HECTD4: variants seen among roughly 807,000 people sequenced by gnomAD.
HECTD4 encodes probable E3 ubiquitin-protein ligase HECTD4.
In HECTD4, 114 loss-of-function variants were observed where a neutral mutation model predicts 471.5. That is an observed-to-expected ratio of 0.24 (90% confidence interval 0.21 to 0.28). HECTD4 has a LOEUF of 0.28. Among genes scored for constraint, HECTD4 ranks in the 10% least tolerant of loss-of-function variants. The pLI, the probability that HECTD4 is intolerant of heterozygous loss-of-function variation, is 1.00. For missense variants in HECTD4, 3,866 were observed against 5,651.5 expected, an observed-to-expected ratio of 0.68 and a Z score of 10.13; for synonymous variants, 2,012 against 2,256.0, an observed-to-expected ratio of 0.89 and a Z score of 3.07.
chr12:112,290,741 G>A (rs1227971028), intron 7 of HECTD4, among the ~76,000 whole-genome samples: 2 of 151,504 alleles, frequency 1.3e-5, no homozygotes, highest in East Asian at 2.0e-4. Context: ...CCAGCTACTC[G>A]GGAGGCTGAG....
chr12:112,301,981 G>A (rs1328134775), intron 7 of HECTD4: 12 of 871,228 alleles, frequency 1.4e-5, no homozygotes, highest in Middle Eastern at 3.3e-4. Flanking sequence ...AGATCTCATC[G>A]TATCTGTCAT....
At chr12:112,240,839 A>C (rs1235801924) in intron 32 of HECTD4, among the ~76,000 whole-genome samples, 1 of 152,234 alleles carries the variant, frequency 6.6e-6, no homozygotes, top group Admixed American at 6.5e-5. Flanking sequence ...TTAGCAGAAG[A>C]TGAAAGCCTA....
intron 9 of HECTD4, among the ~76,000 whole-genome samples, chr12:112,275,540 G>A (rs2034507788): frequency 6.6e-6 from 1 of 151,970 alleles, no homozygotes; most frequent in African/African-American, 2.4e-5. Context: ...CATTTCTAGA[G>A]TGGAAATAAT....
intron 60 of HECTD4, among the ~76,000 whole-genome samples, chr12:112,187,709 C>G (rs2031925189): frequency 6.9e-6 from 1 of 144,708 alleles, no homozygotes; most frequent in Non-Finnish European, 1.5e-5. Context: ...TCACTGTAAG[C>G]TCCGCCTCCT....
chr12:112,247,022 C>G lies in HECTD4; in HGVS notation c.4392G>C (p.Leu1464=). Reference sequence around the variant, plus strand: ...TCTTCACTAACGTCTTTGTTTTAGCCAGTGGGTGTGAGGGTTTCTGAATAA... The same window carrying G: ...TCTTCACTAACGTCTTTGTTTTAGCGAGTGGGTGTGAGGGTTTCTGAATAA... ...NSLIQKPSHP[L]AKTKTLVKSL... is the part of the protein sequence containing the mutation. The change falls in exon 29 of 76, where the codon CTG becomes CTC. Residue 1464 remains leucine, a synonymous_variant. Coordinates refer to ENST00000682272, the MANE Select transcript of HECTD4 (RefSeq NM_001388303.1). 1.6e-5 allele frequency: 25 copies of G among 1,611,192 alleles called. No homozygotes were observed. The highest frequency in any genetic ancestry group is 2.1e-5 in the Non-Finnish European group (25 of 1,179,394).
At chr12:112,222,383 T>A (rs1054913267) in intron 44 of HECTD4, among the ~76,000 whole-genome samples, 1 of 152,144 alleles carries the variant, frequency 6.6e-6, no homozygotes, top group Non-Finnish European at 1.5e-5. Context: ...TTAAAAAAAT[T>A]ACACTGGGTG....
At chr12:112,301,430 C>T (rs2035162927) in intron 7 of HECTD4, among the ~76,000 whole-genome samples, 1 of 152,186 alleles carries the variant, frequency 6.6e-6, no homozygotes, top group South Asian at 2.1e-4. Context: ...GATCTGCCCA[C>T]CTCAGCCTCC....
Position 112,161,265 on chromosome 12 carries a change from G to T in HECTD4, c.*1122C>A, listed in dbSNP as rs1441041572. On this transcript the variant is annotated 3_prime_UTR_variant, in exon 76 of 76. Transcript: ENST00000682272. Reference sequence around the variant, plus strand: ...CCTATTTGGGGCAAAGATGCAGTGGGTGAGCCTGGAGGCAGCTCAGCCCTG... The same window carrying T: ...CCTATTTGGGGCAAAGATGCAGTGGTTGAGCCTGGAGGCAGCTCAGCCCTG... 2 of 152,302 alleles carry T rather than the reference G, an allele frequency of 1.3e-5. No individual in the cohort carries two copies. Among genetic ancestry groups the T allele is most frequent in the Non-Finnish European group, 2.9e-5 (2 of 68,092 alleles). The allele number at this position is 152,302 out of a possible 1,614,324, so 9.4% of individuals were successfully genotyped here.
intron 1 of HECTD4, among the ~76,000 whole-genome samples, chr12:112,332,585 G>C (rs1046348862): frequency 7.0e-6 from 1 of 142,288 alleles, no homozygotes; most frequent in Non-Finnish European, 1.5e-5. Context: ...CATTTCTAAA[G>C]ATTTTTCCAG....
intron 1 of HECTD4, among the ~76,000 whole-genome samples, chr12:112,323,709 G>C (rs1024770547): frequency 1.3e-5 from 2 of 151,756 alleles, no homozygotes; most frequent in Admixed American, 6.6e-5. Flanking sequence ...TTTTTGGGGG[G>C]GTTGAAGGAA....
chr12:112,234,464 C>A (rs2135570722), intron 37 of HECTD4, among the ~76,000 whole-genome samples: 1 of 152,284 alleles, frequency 6.6e-6, no homozygotes, highest in East Asian at 1.9e-4. Context: ...TAAAGAGAGG[C>A]CTCTTCAATC....
At chr12:112,335,928 A>G (rs896437966) in intron 1 of HECTD4, among the ~76,000 whole-genome samples, 1 of 152,208 alleles carries the variant, frequency 6.6e-6, no homozygotes, top group African/African-American at 2.4e-5. Context: ...GAGCTTTAGC[A>G]GCTGCAAACA....
In HECTD4 at chr12:112,190,758, T is replaced by C. The variant is rs562044558; in HGVS notation, c.9472+28A>G. 364 of 1,536,568 alleles carry C rather than the reference T, an allele frequency of 2.4e-4. 3 individuals are homozygous for C. The South Asian group carries it at 4.0e-3, about 17-fold the overall frequency. The stretch of plus-strand genomic sequence containing the variant: ...ATGCCAGCTCCACCCCCACCCTAGA[T>C]TCCGATCCCCAGGGAAGGCAGCCTC... On this transcript the variant is annotated intron_variant, in intron 60 of 75. Coordinates refer to ENST00000682272, the MANE Select transcript of HECTD4 (RefSeq NM_001388303.1).
intron 7 of HECTD4, among the ~76,000 whole-genome samples, chr12:112,290,868 A>C (rs143316492): frequency 0.027 from 3,851 of 143,650 alleles, 371 homozygotes; most frequent in South Asian, 0.24. Flanking sequence ...CAAAACAAAA[A>C]AAAAAAACAA....
intron 41 of HECTD4, 47 bp downstream of exon 41, chr12:112,229,651 T>C (rs757852802): frequency 6.5e-7 from 1 of 1,532,608 alleles, no homozygotes; most frequent in South Asian, 1.2e-5. Context: ...AATGGATGCT[T>C]ATATATATGG....
intron 7 of HECTD4, among the ~76,000 whole-genome samples, chr12:112,300,271 C>A (rs2035135694): frequency 6.7e-6 from 1 of 150,176 alleles, no homozygotes; most frequent in Non-Finnish European, 1.5e-5. Context: ...TCATGCCACT[C>A]CACTCCAGCC....
At position 112,319,174 on chromosome 12, in the gene HECTD4, C is replaced by A; in HGVS notation, c.695+51G>T. 6.6e-7 allele frequency: 1 copy of A among 1,518,976 alleles called. No individual in the cohort carries two copies. Among genetic ancestry groups the A allele is most frequent in the South Asian group, 1.2e-5 (1 of 82,544 alleles). The allele number at this position is 1,518,976 out of a possible 1,614,324, so 94.1% of individuals were successfully genotyped here. On this transcript the variant is annotated intron_variant, in intron 2 of 75. Coordinates refer to ENST00000682272, the MANE Select transcript of HECTD4 (RefSeq NM_001388303.1). This position sits in a 1 kb window ranked among gnomAD's most constrained non-coding sequence, Gnocchi z 5.3. ...TGGCCTCTTCTTCATTCACCCAACC[C>A]AGGTGGCAGTAGTCACAAGGTCACC...
intron 67 of HECTD4, 80 bp from the exon 68 acceptor site, chr12:112,171,343 T>C (rs1470738753): frequency 1.8e-5 from 27 of 1,535,832 alleles, no homozygotes; most frequent in Non-Finnish European, 2.4e-5. Flanking sequence ...CAGGCAACCC[T>C]ATCACTGCGA....
intron 71 of HECTD4, 80 bp downstream of exon 71, chr12:112,167,734 G>A (rs1361006782): frequency 7.6e-7 from 1 of 1,310,180 alleles, no homozygotes; most frequent in Non-Finnish European, 1.1e-6. Flanking sequence ...GCTTTGATGA[G>A]ACACACACTG....
Sources: gnomAD v4.1 joint callset for allele counts (sites outside exome capture counted in the v4.1 genomes callset) on GRCh38, gnomAD v4.1.1 for gene constraint, Gnocchi (gnomAD v3.1) non-coding constraint, MANE v1.5 for transcripts, NCBI Gene and HGNC (gene_info 2026-07-23, HGNC 2026-07-21) for gene names.